Variants in CLUAP1 observed in about 807,000 individuals in gnomAD.
CLUAP1 encodes intraflagellar transport 38.
A neutral mutation model predicts 55.0 loss-of-function variants in CLUAP1; 50 were observed. That is an observed-to-expected ratio of 0.91 (90% CI 0.72 to 1.15). The LOEUF is 1.15. Ranked by LOEUF, CLUAP1 falls within the 50% of genes most tolerant of loss-of-function variation. CLUAP1 has a pLI of 0.00. For missense variants in CLUAP1, 530 were observed against 507.6 expected, an observed-to-expected ratio of 1.04 and a Z score of -0.42; for synonymous variants, 195 against 175.4, an observed-to-expected ratio of 1.11 and a Z score of -0.88.
chr16:3,515,561 A>G lies in CLUAP1; in HGVS notation c.549A>G (p.Lys183=). The G allele has an allele frequency of 6.2e-7, 1 of 1,600,400 alleles. No individual in the cohort carries two copies. ...ARPLEINETE[K]VMRIAIKEIL... is the part of the protein sequence containing the mutation. ...CTCTGGAAATAAACGAGACTGAAAA[A>G]GTGATGAGAATTGCAATAAAAGAGA... The change falls in exon 6 of 12, where the codon AAA becomes AAG. Residue 183 remains lysine, a synonymous_variant. Coordinates refer to ENST00000576634, the MANE Select transcript of CLUAP1 (RefSeq NM_015041.3).
At position 3,536,501 on chromosome 16, in the gene CLUAP1, T is replaced by G; in HGVS notation, c.*230T>G. The G allele has an allele frequency of 2.2e-6, 1 of 450,128 alleles. No homozygotes were observed. Among genetic ancestry groups the G allele is most frequent in the Non-Finnish European group, 3.9e-6 (1 of 255,872 alleles). 27.9% of individuals were successfully genotyped at this position (450,128 alleles called of 1,614,324 possible). A position where few individuals can be genotyped will look rare whatever the true frequency, so the allele number is the denominator to read the frequency against. On this transcript the variant is annotated 3_prime_UTR_variant, in exon 12 of 12. Transcript: ENST00000576634. ...ATTTTTTTCCACCTTATTTATCTTC[T>G]AAAACTTGAGGAATGCATGTGTTCT... is the stretch of plus-strand genomic sequence containing the variant.
chr16:3,514,496 G>A (rs965795910), intron 5 of CLUAP1, among the ~76,000 whole-genome samples: 4 of 152,182 alleles, frequency 2.6e-5, no homozygotes, highest in South Asian at 4.1e-4. Context: ...CAGGTGCACC[G>A]TGGATGAAAG....
intron 9 of CLUAP1, 175 bp from the exon 10 acceptor site, chr16:3,530,393 A>G (rs1005706556): frequency 1.0e-5 from 6 of 587,950 alleles, no homozygotes; most frequent in Non-Finnish European, 1.2e-5. Context: ...ATTTTATTTT[A>G]AAATTGATTA....
intron 5 of CLUAP1, among the ~76,000 whole-genome samples, chr16:3,514,126 A>G (rs1029632226): frequency 3.9e-5 from 6 of 152,198 alleles, no homozygotes; most frequent in Non-Finnish European, 8.8e-5. Context: ...AGTGGTGTAC[A>G]TATGTCTGTA....
chr16:3,509,304 G>C (rs2037572566), intron 4 of CLUAP1, among the ~76,000 whole-genome samples: 1 of 152,198 alleles, frequency 6.6e-6, no homozygotes, highest in Admixed American at 6.5e-5. Flanking sequence ...GAGGCCGTGT[G>C]ATGAGGGTTG....
chr16:3,498,546 C>T (rs1160181099), upstream of CLUAP1, among the ~76,000 whole-genome samples: 1 of 152,138 alleles, frequency 6.6e-6, no homozygotes, highest in Non-Finnish European at 1.5e-5. Flanking sequence ...TGGTGGCTCA[C>T]ACCTGTAATC....
chr16:3,526,317 A>T, intron 8 of CLUAP1, 95 bp from the exon 9 acceptor site: 1 of 674,242 alleles, frequency 1.5e-6, no homozygotes, highest in Non-Finnish European at 2.2e-6. Context: ...TTTGTTCTGT[A>T]GCACAAACTT....
At chr16:3,495,781 A>G in the CLUAP1 span, among the ~76,000 whole-genome samples, 148 of 152,018 alleles carry the variant, frequency 9.7e-4, no homozygotes, top group Non-Finnish European at 1.8e-4. Flanking sequence ...AGGAGTACAG[A>G]CCTAGGAAGA....
In CLUAP1 at chr16:3,511,964, A is replaced by T. The variant is rs1392012635; in HGVS notation, c.400-419A>T. 2.0e-5 allele frequency among the ~76,000 whole-genome samples: 3 copies of T among 151,638 alleles called. No homozygotes were observed. In the East Asian group the frequency reaches 5.8e-4, roughly 29 times the overall value. On this transcript the variant is annotated intron_variant, in intron 4 of 11. Transcript: ENST00000576634. ...CACTTTGGGAGGCCGAGGTGGGTGG[A>T]TCACCTGAGGTCAGGAATTCAAGAG...
intron 5 of CLUAP1, among the ~76,000 whole-genome samples, chr16:3,514,331 T>G (rs114833763): frequency 0.013 from 1,940 of 152,290 alleles, 47 homozygotes; most frequent in African/African-American, 0.044. Flanking sequence ...CTTGTCAAAT[T>G]CTGTGTGTAG....
At chr16:3,531,066 A>G (rs909757803) in intron 10 of CLUAP1, among the ~76,000 whole-genome samples, 1 of 152,236 alleles carries the variant, frequency 6.6e-6, no homozygotes, top group Non-Finnish European at 1.5e-5. Flanking sequence ...AAAAGATTCA[A>G]GCAACAAAGC....
intron 9 of CLUAP1, among the ~76,000 whole-genome samples, chr16:3,528,803 A>G (rs2037998204): frequency 6.6e-6 from 1 of 152,066 alleles, no homozygotes; most frequent in Non-Finnish European, 1.5e-5. Flanking sequence ...ATTCTTTTGC[A>G]TGTGGCTATT....
intron 10 of CLUAP1, among the ~76,000 whole-genome samples, chr16:3,532,201 G>T (rs190520534): frequency 5.3e-5 from 8 of 152,130 alleles, no homozygotes; most frequent in Admixed American, 1.3e-4. Context: ...GATTTACTGG[G>T]CGTTCTCGCA....
chr16:3,502,852 A>G (rs2037433224), intron 1 of CLUAP1, among the ~76,000 whole-genome samples: 1 of 152,242 alleles, frequency 6.6e-6, no homozygotes, highest in Non-Finnish European at 1.5e-5. Context: ...TGTGCAGTGT[A>G]TGGTAAGGAT....
chr16:3,512,565 T>A (rs2037650536), intron 5 of CLUAP1, 87 bp downstream of exon 5: 1 of 1,003,096 alleles, frequency 1.0e-6, no homozygotes, highest in African/African-American at 1.6e-5. Context: ...TCAGTTCTGA[T>A]TTAATGAAAT....
upstream of CLUAP1, chr16:3,500,965 C>A: frequency 7.4e-6 from 9 of 1,218,666 alleles, no homozygotes; most frequent in Non-Finnish European, 9.4e-6. Context: ...GACCGTGCGC[C>A]GTCCAAGGGT....
At chr16:3,499,177 T>C (rs939596015), upstream of CLUAP1, among the ~76,000 whole-genome samples, 1 of 152,272 alleles carries the variant, frequency 6.6e-6, no homozygotes, top group African/African-American at 2.4e-5. Context: ...AAACTCCGTC[T>C]CTACCCAAAA....
chr16:3,509,109 A>G (rs2037566719), intron 4 of CLUAP1, among the ~76,000 whole-genome samples: 1 of 152,016 alleles, frequency 6.6e-6, no homozygotes, highest in African/African-American at 2.4e-5. Context: ...AAAAGAAAAA[A>G]ATTAGCTAGG....
upstream of CLUAP1, among the ~76,000 whole-genome samples, chr16:3,495,997 C>T (rs370563952): frequency 2.0e-5 from 3 of 151,978 alleles, no homozygotes; most frequent in East Asian, 1.9e-4. Context: ...AAAAATTAGC[C>T]GGGCGTCGTG....
Sources: allele counts gnomAD v4.1 joint callset (sites outside exome capture counted in the v4.1 genomes callset), GRCh38; gene constraint gnomAD v4.1.1; transcripts MANE v1.5; gene names NCBI Gene and HGNC (gene_info 2026-07-23, HGNC 2026-07-21).